MYH11: variants seen among roughly 807,000 people sequenced by gnomAD.
MYH11 encodes the protein myosin heavy chain 11.
In MYH11, 80 loss-of-function variants were observed where a neutral mutation model predicts 246.6. The observed-to-expected ratio is 0.32, with a 90% CI of 0.27 to 0.39. The LOEUF is 0.39. Among genes scored for constraint, MYH11 ranks in the 10% least tolerant of loss-of-function variants. MYH11 has a pLI of 1.00. For missense variants in MYH11, 2,158 were observed against 2,546.8 expected, an observed-to-expected ratio of 0.85 and a Z score of 3.29; for synonymous variants, 1,071 against 1,015.5, an observed-to-expected ratio of 1.05 and a Z score of -1.04.
intron 6 of MYH11, chr16:15,779,421 A>C: frequency 5.6e-6 from 1 of 178,840 alleles, no homozygotes; most frequent in Non-Finnish European, 1.2e-5. Context: ...GGATTACAGG[A>C]GTAAACTACC....
intron 2 of MYH11, among the ~76,000 whole-genome samples, chr16:15,836,456 A>G (rs1433843532): frequency 6.6e-6 from 1 of 152,160 alleles, no homozygotes. Context: ...CTGGAGTACA[A>G]TAACGCGATT....
chr16:15,780,034 C>T (rs557819027), intron 6 of MYH11, among the ~76,000 whole-genome samples: 21 of 152,280 alleles, frequency 1.4e-4, no homozygotes, highest in Non-Finnish European at 2.8e-4. Context: ...CAGGGAGAGC[C>T]GGCTGGTCAC....
intron 1 of MYH11, among the ~76,000 whole-genome samples, chr16:15,846,922 G>T (rs1439904789): frequency 2.6e-5 from 4 of 152,030 alleles, no homozygotes; most frequent in Non-Finnish European, 5.9e-5. Context: ...CCACTGCACT[G>T]CAGCCTGGGT....
chr16:15,814,308 T>C (rs2043208699), intron 3 of MYH11, among the ~76,000 whole-genome samples: 1 of 151,742 alleles, frequency 6.6e-6, no homozygotes, highest in South Asian at 2.1e-4. Context: ...ATCCCAGCAC[T>C]TTGGGAGGCC....
rs75653232 is a variant in MYH11, at chr16:15,737,007, G to A, written c.3293+442C>T. Among the ~76,000 whole-genome samples the A allele has an allele frequency of 2.1e-3, 316 of 152,182 alleles. 2 individuals are homozygous for A. The highest frequency in any genetic ancestry group is 3.5e-3 in the Non-Finnish European group (239 of 68,024). ...TGAAGGTTGCTGCTTGCTGTGGGTC[G>A]GCAGAAACAAAGGAGGAGATTGGTG... On this transcript the variant is annotated intron_variant, in intron 25 of 40. Coordinates refer to ENST00000300036, the MANE Select transcript of MYH11 (RefSeq NM_002474.3).
Position 15,748,036 on chromosome 16 carries a change from T to C in MYH11, c.2180+11A>G. The C allele has an allele frequency of 6.2e-7, 1 of 1,614,200 alleles. No homozygotes were observed. Among genetic ancestry groups the C allele is most frequent in the Non-Finnish European group, 8.5e-7 (1 of 1,180,034 alleles). ...CCCCCTGCCCTACCTGGGCCAGACC[T>C]TGGGACTTACCGTTGGCGGAACTCC... On this transcript the variant is annotated intron_variant, in intron 17 of 40. Transcript: ENST00000300036.
At chr16:15,716,100 CAAAAAAATAAAAATAA>C in intron 38 of MYH11, among the ~76,000 whole-genome samples, 1 of 151,806 alleles carries the variant, frequency 6.6e-6, no homozygotes, top group South Asian at 2.1e-4. Context: ...GACTATGTCT[CAAAAAAATAAAAATAA>C]AAAAGTCTTG....
intron 26 of MYH11, chr16:15,732,966 G>C: frequency 1.8e-6 from 1 of 566,574 alleles, no homozygotes; most frequent in Non-Finnish European, 3.2e-6. Context: ...AGAATTGAAA[G>C]GATGTCTGTG....
At chr16:15,708,711 G>T (rs1353794833) in intron 40 of MYH11, 3 of 1,347,292 alleles carry the variant, frequency 2.2e-6, no homozygotes, top group Admixed American at 2.0e-5. Context: ...ATGTGCAAGG[G>T]TTTAAAAATT....
intron 1 of MYH11, among the ~76,000 whole-genome samples, chr16:15,841,324 GA>G (rs2044045040): frequency 6.6e-6 from 1 of 152,182 alleles, no homozygotes; most frequent in African/African-American, 2.4e-5. Context: ...TTTTAGTAGA[GA>G]CGGGGCTTCG....
chr16:15,804,887 T>G (rs2042974243), intron 3 of MYH11, among the ~76,000 whole-genome samples: 1 of 152,230 alleles, frequency 6.6e-6, no homozygotes, highest in Non-Finnish European at 1.5e-5. Flanking sequence ...ATGGATCATA[T>G]TTTGTTTATC....
chr16:15,747,844 G>A, intron 18 of MYH11, 30 bp downstream of exon 18: 1 of 1,613,610 alleles, frequency 6.2e-7, no homozygotes, highest in Non-Finnish European at 8.5e-7. Context: ...GCCAGAGGTT[G>A]GGAGGTCTCT....
chr16:15,764,482 CA>C (rs59588895), intron 9 of MYH11, among the ~76,000 whole-genome samples: 9 of 145,782 alleles, frequency 6.2e-5, no homozygotes, highest in East Asian at 4.0e-4. Flanking sequence ...GTCTCTAAAA[CA>C]AAAAAAAAAC....
intron 13 of MYH11, among the ~76,000 whole-genome samples, chr16:15,756,722 G>A (rs1387639607): frequency 1.3e-5 from 2 of 151,880 alleles, no homozygotes; most frequent in Non-Finnish European, 2.9e-5. Flanking sequence ...AGGGATGGAA[G>A]GCAGAACATA....
At chr16:15,746,809 TG>T (rs1359133371) in intron 19 of MYH11, among the ~76,000 whole-genome samples, 1 of 152,148 alleles carries the variant, frequency 6.6e-6, no homozygotes, top group Non-Finnish European at 1.5e-5. Flanking sequence ...ATGTCTAGGC[TG>T]GGCGCAGTGG....
At chr16:15,852,279 A>G (rs1339380244) in intron 1 of MYH11, among the ~76,000 whole-genome samples, 7 of 151,808 alleles carry the variant, frequency 4.6e-5, no homozygotes, top group South Asian at 4.2e-4. Context: ...CTCTGGTGCC[A>G]AGAGGATGGG....
chr16:15,706,916 T>A (rs1200602377), intron 40 of MYH11, among the ~76,000 whole-genome samples: 1 of 152,156 alleles, frequency 6.6e-6, no homozygotes, highest in African/African-American at 2.4e-5. Flanking sequence ...GATACTCTGT[T>A]TTGGCTGAAG....
At chr16:15,851,215 G>T (rs762189607) in intron 1 of MYH11, among the ~76,000 whole-genome samples, 2 of 152,094 alleles carry the variant, frequency 1.3e-5, no homozygotes, top group Admixed American at 6.6e-5. Flanking sequence ...CAAATGTGTC[G>T]CAGGGAGAGG....
chr16:15,750,335 T>TC lies in MYH11; in HGVS notation c.1865-5_1865-4insG. Reference sequence around the variant, plus strand: ...TCCAGGCCCACGATGCGGTCCACTATGGGGCACAGCCAGGGTGGCATCAGC... The same window carrying TC: ...TCCAGGCCCACGATGCGGTCCACTATCGGGGCACAGCCAGGGTGGCATCAGC... On this transcript the variant is annotated splice_polypyrimidine_tract_variant and splice_region_variant and intron_variant, in intron 15 of 40. Transcript: ENST00000300036. This position sits in a 1 kb window ranked among gnomAD's most constrained non-coding sequence, Gnocchi z 4.3. 6.3e-7 allele frequency: 1 copy of TC among 1,593,112 alleles called. No individual in the cohort carries two copies. Among genetic ancestry groups the TC allele is most frequent in the Non-Finnish European group, 8.5e-7 (1 of 1,171,358 alleles).
Sources: allele counts gnomAD v4.1 joint callset (sites outside exome capture counted in the v4.1 genomes callset), GRCh38; gene constraint gnomAD v4.1.1; non-coding constraint Gnocchi (gnomAD v3.1); transcripts MANE v1.5; gene names NCBI Gene and HGNC (gene_info 2026-07-23, HGNC 2026-07-21).